The following COL4A1 variants were observed in gnomAD, a reference collection of about 807,000 sequenced individuals.
The protein encoded by COL4A1 is collagen type IV alpha 1 chain.
In COL4A1, 40 loss-of-function variants were observed where a neutral mutation model predicts 216.6. That is an observed-to-expected ratio of 0.18 (90% CI 0.14 to 0.24). The LOEUF (loss-of-function observed/expected upper bound fraction) is 0.24, where lower values mean the gene tolerates loss of function less well. Ranked by LOEUF, COL4A1 falls within the 10% of genes least tolerant of loss-of-function variation. The pLI, the probability that COL4A1 is intolerant of heterozygous loss-of-function variation, is 1.00. For synonymous variants in COL4A1, 839 were observed against 810.7 expected (o/e 1.03, Z -0.59); for missense variants, 1,628 against 2,196.8 (o/e 0.74, Z 5.18).
intron 17 of COL4A1, among the ~76,000 whole-genome samples, chr13:110,204,607 G>GT (rs925517430): frequency 2.9e-4 from 42 of 143,900 alleles, no homozygotes; most frequent in Non-Finnish European, 2.8e-4. Flanking sequence ...CAATAATGAG[G>GT]TTTTTTTTTT....
At chr13:110,225,566 G>A (rs1880699030) in intron 2 of COL4A1, among the ~76,000 whole-genome samples, 1 of 152,192 alleles carries the variant, frequency 6.6e-6, no homozygotes, top group Non-Finnish European at 1.5e-5. Flanking sequence ...CTGGGTGACA[G>A]AGCAGACTCC....
At chr13:110,159,443 G>A (rs1265198493) in intron 49 of COL4A1, among the ~76,000 whole-genome samples, 2 of 152,172 alleles carry the variant, frequency 1.3e-5, no homozygotes, top group East Asian at 1.9e-4. Flanking sequence ...TATCAAAAAC[G>A]CAGAAAACAA....
intron 28 of COL4A1, among the ~76,000 whole-genome samples, chr13:110,182,224 G>A (rs1376118419): frequency 6.6e-6 from 1 of 152,318 alleles, no homozygotes; most frequent in Non-Finnish European, 1.5e-5. Flanking sequence ...TGGGCGTTGC[G>A]TGGCTGTCAG....
intron 2 of COL4A1, among the ~76,000 whole-genome samples, chr13:110,219,111 C>G (rs548310745): frequency 3.3e-5 from 5 of 152,222 alleles, no homozygotes; most frequent in Non-Finnish European, 5.9e-5. Flanking sequence ...AACTCTGTGG[C>G]GAGGCCCCGC....
chr13:110,199,104 C>T (rs923277115), intron 20 of COL4A1, among the ~76,000 whole-genome samples: 2 of 152,160 alleles, frequency 1.3e-5, no homozygotes, highest in South Asian at 2.1e-4. Context: ...GTCAGAGTAG[C>T]CATTAGGTGT....
rs60853976 is a variant in COL4A1 at position 110,253,618 on chromosome 13, A to G, written c.85-10884T>C. 1.5e-4 allele frequency among the ~76,000 whole-genome samples: 22 copies of G among 144,712 alleles called. No homozygotes were observed. The East Asian group carries it at 3.5e-3, about 23-fold the overall frequency. 94.9% of individuals were successfully genotyped at this position (144,712 alleles called of 152,430 possible). ...TTATACGTATGTATGTATTACATATACTTATAATTATATATGTATGTATGT... is the reference window on the plus strand; with the variant it reads ...TTATACGTATGTATGTATTACATATGCTTATAATTATATATGTATGTATGT... On this transcript the variant is annotated intron_variant, in intron 1 of 51. Coordinates refer to ENST00000375820, the MANE Select transcript of COL4A1 (RefSeq NM_001845.6).
intron 1 of COL4A1, among the ~76,000 whole-genome samples, chr13:110,260,041 A>T (rs186785756): frequency 2.6e-5 from 4 of 152,340 alleles, no homozygotes; most frequent in Admixed American, 2.6e-4. Flanking sequence ...CTCTGAAGTC[A>T]GGAGCCATTC....
intron 1 of COL4A1, among the ~76,000 whole-genome samples, chr13:110,279,884 C>G (rs1359889654): frequency 6.6e-6 from 1 of 152,188 alleles, no homozygotes; most frequent in African/African-American, 2.4e-5. Context: ...TGGCTGCCCT[C>G]CTTACTGTGG....
Position 110,160,218 on chromosome 13 carries a change from G to A in COL4A1, c.4640+974C>T, listed in dbSNP as rs541870206. The stretch of plus-strand genomic sequence containing the variant: ...AGCACTTTGGGAGGCCGAGGCGGGT[G>A]GATCATGAGGTCAGGAGATCGAGAC... On this transcript the variant is annotated intron_variant, in intron 49 of 51. Coordinates refer to ENST00000375820, the MANE Select transcript of COL4A1 (RefSeq NM_001845.6). Among the ~76,000 whole-genome samples, 730 of 119,680 alleles carry A rather than the reference G, an allele frequency of 6.1e-3. 91 individuals carry two copies. The highest frequency in any genetic ancestry group is 0.025 in the African/African-American group (699 of 27,552). 78.5% of individuals were successfully genotyped at this position (119,680 alleles called of 152,430 possible).
At chr13:110,292,868 C>T (rs892003924) in intron 1 of COL4A1, among the ~76,000 whole-genome samples, 2 of 152,174 alleles carry the variant, frequency 1.3e-5, no homozygotes, top group Admixed American at 6.5e-5. Flanking sequence ...TCAGGAGAAA[C>T]AGGATATGTC....
intron 1 of COL4A1, among the ~76,000 whole-genome samples, chr13:110,262,959 CT>C (rs1311086598): frequency 1.3e-5 from 2 of 152,196 alleles, no homozygotes; most frequent in Non-Finnish European, 2.9e-5. Flanking sequence ...AGAGGAGCTC[CT>C]GAGTGTGTGG....
intron 2 of COL4A1, among the ~76,000 whole-genome samples, chr13:110,233,770 C>A (rs975607052): frequency 1.3e-5 from 2 of 152,202 alleles, no homozygotes; most frequent in Non-Finnish European, 2.9e-5. Context: ...GAGCCCATCT[C>A]ATTTTCCCTC....
intron 26 of COL4A1, among the ~76,000 whole-genome samples, chr13:110,186,148 A>G (rs1250196472): frequency 6.6e-6 from 1 of 152,208 alleles, no homozygotes; most frequent in African/African-American, 2.4e-5. Flanking sequence ...GTACTTACTT[A>G]TGAGGACTGT....
chr13:110,224,186 GTTCCATGAAATTTATCACAA>G (rs1201666065), intron 2 of COL4A1, among the ~76,000 whole-genome samples: 1 of 151,780 alleles, frequency 6.6e-6, no homozygotes, highest in Non-Finnish European at 1.5e-5. Context: ...TTTTTTTGAA[GTTCCATGAAATTTATCACAA>G]TTCTAGGTCA....
intron 34 of COL4A1, 65 bp from the exon 35 acceptor site, chr13:110,176,789 G>A (rs535001318): frequency 4.2e-5 from 68 of 1,613,600 alleles, no homozygotes; most frequent in Middle Eastern, 1.7e-4. Flanking sequence ...CTGCAGAAAC[G>A]CAGGTTGGTT....
chr13:110,209,454 T>A, intron 10 of COL4A1, 27 bp from the exon 11 acceptor site: 1 of 1,545,652 alleles, frequency 6.5e-7, no homozygotes, highest in Non-Finnish European at 8.9e-7. Context: ...TTTAATTAAA[T>A]AGGATTCAGA....
At position 110,162,381 on chromosome 13, in the gene COL4A1, T is replaced by C. The variant is rs753795446; in HGVS notation, c.4311A>G (p.Pro1437=). 2 of 1,614,180 alleles carry C rather than the reference T, an allele frequency of 1.2e-6. No homozygotes were observed. Among genetic ancestry groups the C allele is most frequent in the Admixed American group, 1.7e-5 (1 of 60,026 alleles). The change falls in exon 48 of 52, where the codon CCA becomes CCG. Residue 1437 remains proline, a synonymous_variant. Coordinates refer to ENST00000375820, the MANE Select transcript of COL4A1 (RefSeq NM_001845.6). ...PDGLPGSMGP[P]GTPSVDHGFL... is the part of the protein sequence containing the mutation. The stretch of plus-strand genomic sequence containing the variant: ...AGCCGTGATCAACAGATGGGGTGCC[T>C]GGGGGCCCCATGGATCCTGGCAACC...
chr13:110,297,818 AC>A (rs1205385288), intron 1 of COL4A1, among the ~76,000 whole-genome samples: 14 of 152,172 alleles, frequency 9.2e-5, no homozygotes, highest in African/African-American at 3.4e-4. Flanking sequence ...ACACACACTT[AC>A]TGAACAAATT....
At chr13:110,262,588 T>A (rs927366968) in intron 1 of COL4A1, among the ~76,000 whole-genome samples, 1 of 152,126 alleles carries the variant, frequency 6.6e-6, no homozygotes, top group African/African-American at 2.4e-5. Context: ...AATCTCGGAG[T>A]GCTTTTCATC....
Sources: gnomAD v4.1 joint callset for allele counts (sites outside exome capture counted in the v4.1 genomes callset) on GRCh38, gnomAD v4.1.1 for gene constraint, MANE v1.5 for transcripts, NCBI Gene and HGNC (gene_info 2026-07-23, HGNC 2026-07-21) for gene names.